ADAM11: variants seen among roughly 807,000 people sequenced by gnomAD.
ADAM11 encodes the protein ADAM metallopeptidase domain 11, also known as disintegrin and metalloproteinase domain-containing protein 11.
In ADAM11, 49 loss-of-function variants were observed where a neutral mutation model predicts 119.1. The ratio of observed to expected loss-of-function variants is 0.41; its 90% CI spans 0.33 to 0.52. The LOEUF (loss-of-function observed/expected upper bound fraction) is 0.52. ADAM11 is among the 20% of genes least tolerant of loss of function. The pLI, the probability that ADAM11 is intolerant of heterozygous loss-of-function variation, is 0.20. For synonymous variants in ADAM11, 364 were observed against 408.0 expected (o/e 0.89, Z 1.30); for missense variants, 777 against 1,047.5 (o/e 0.74, Z 3.56).
rs569799212 is a variant in ADAM11 at position 44,776,417 on chromosome 17, G to A, written c.1566+210G>A. The stretch of plus-strand genomic sequence containing the variant: ...TCATTAAACCAGAATGTATCGTCTG[G>A]CTGGTATTCCCAGCGCCTGGCCCGG... On this transcript the variant is annotated intron_variant, in intron 18 of 26. Transcript: ENST00000200557. The surrounding 1 kb of genome is among the most constrained non-coding windows in gnomAD (Gnocchi z 5.2). Among the ~76,000 whole-genome samples, 1 of 152,286 alleles carries A rather than the reference G, an allele frequency of 6.6e-6. No individual in the cohort carries two copies. Among genetic ancestry groups the A allele is most frequent in the South Asian group, 2.1e-4 (1 of 4,822 alleles).
intron 2 of ADAM11, 58 bp from the exon 3 acceptor site, chr17:44,769,660 C>T (rs577348059): frequency 2.2e-5 from 28 of 1,246,956 alleles, no homozygotes; most frequent in Admixed American, 1.5e-4. Context: ...GGGATCCCCC[C>T]GACTCCCACC....
At chr17:44,766,243 C>T (rs1053349044) in intron 2 of ADAM11, among the ~76,000 whole-genome samples, 5 of 152,044 alleles carry the variant, frequency 3.3e-5, no homozygotes, top group African/African-American at 7.2e-5. Flanking sequence ...TGTGAAGGGC[C>T]GTGTCTGGAA....
intron 11 of ADAM11, 103 bp from the exon 12 acceptor site, chr17:44,774,192 C>G (rs1029916611): frequency 2.9e-6 from 2 of 680,128 alleles, no homozygotes; most frequent in African/African-American, 3.8e-5. Flanking sequence ...GGCTCACCTC[C>G]TGAGGAAGGA....
intron 2 of ADAM11, among the ~76,000 whole-genome samples, chr17:44,769,474 G>A (rs1444841802): frequency 6.6e-6 from 1 of 152,244 alleles, no homozygotes. Flanking sequence ...AGGTGCCCGG[G>A]CCCAGAGGGC....
At chr17:44,765,853 G>A (rs1166555652) in intron 2 of ADAM11, among the ~76,000 whole-genome samples, 2 of 152,054 alleles carry the variant, frequency 1.3e-5, no homozygotes, top group Non-Finnish European at 2.9e-5. Context: ...AAACTCCTGA[G>A]CTCAGGCAAT....
rs776145188 is a variant in ADAM11, at chr17:44,776,719, G to A, written c.1567-26G>A. 37 of 1,613,220 alleles carry A rather than the reference G, an allele frequency of 2.3e-5. No individual in the cohort carries two copies. The highest frequency in any genetic ancestry group is 2.9e-5 in the Non-Finnish European group (34 of 1,179,726). ...TCAGCTCCAGTCCTGGGACTGCTCCGCTCAACCCCACCCCTCTCTCCACAG... is the reference window on the plus strand; with the variant it reads ...TCAGCTCCAGTCCTGGGACTGCTCCACTCAACCCCACCCCTCTCTCCACAG... On this transcript the variant is annotated intron_variant, in intron 18 of 26. Coordinates refer to ENST00000200557, the MANE Select transcript of ADAM11 (RefSeq NM_002390.6). This position sits in a 1 kb window ranked among gnomAD's most constrained non-coding sequence, Gnocchi z 5.2.
At position 44,776,283 on chromosome 17, in the gene ADAM11, G is replaced by A. The variant is rs1434079710; in HGVS notation, c.1566+76G>A. On this transcript the variant is annotated intron_variant, in intron 18 of 26. Coordinates refer to ENST00000200557, the MANE Select transcript of ADAM11 (RefSeq NM_002390.6). The surrounding 1 kb of genome is among the most constrained non-coding windows in gnomAD (Gnocchi z 5.2). ...CCTTGTCGATTTGGTTTTCCCGGAC[G>A]AGTGCTCAGCACTCCCCTCCTCTCC... 2.0e-6 allele frequency: 3 copies of A among 1,527,150 alleles called. No individual in the cohort carries two copies. The highest frequency in any genetic ancestry group is 2.7e-6 in the Non-Finnish European group (3 of 1,107,438). The allele number at this position is 1,527,150 out of a possible 1,614,324, so 94.6% of individuals were successfully genotyped here.
Position 44,775,738 on chromosome 17 carries a change from A to G in ADAM11, c.1485+62A>G. The G allele has an allele frequency of 1.3e-6, 2 of 1,486,964 alleles. No homozygotes were observed. Among genetic ancestry groups the G allele is most frequent in the Non-Finnish European group, 1.8e-6 (2 of 1,104,724 alleles). The allele number at this position is 1,486,964 out of a possible 1,614,324, so 92.1% of individuals were successfully genotyped here. On this transcript the variant is annotated intron_variant, in intron 17 of 26. Coordinates refer to ENST00000200557, the MANE Select transcript of ADAM11 (RefSeq NM_002390.6). The surrounding 1 kb of genome is among the most constrained non-coding windows in gnomAD (Gnocchi z 7.5). Reference sequence around the variant, plus strand: ...AGGAGGAGCGATTGGAGGCCTTCATATAAGGGGTGGGAGCTAGGGAGGGAA... The same window carrying G: ...AGGAGGAGCGATTGGAGGCCTTCATGTAAGGGGTGGGAGCTAGGGAGGGAA...
chr17:44,775,631 T>C lies in ADAM11; in HGVS notation c.1440T>C (p.Thr480=), dbSNP rs1312451706. 6.3e-7 allele frequency: 1 copy of C among 1,593,160 alleles called. No homozygotes were observed. The highest frequency in any genetic ancestry group is 8.5e-7 in the Non-Finnish European group (1 of 1,171,032). The part of the protein sequence containing the change: ...GGNCCKKCTL[T]HDAMCSDGLC... ...ACTGCTGCAAGAAATGCACCCTGACTCACGACGCCATGTGCAGCGACGGGC... is the reference window on the plus strand; with the variant it reads ...ACTGCTGCAAGAAATGCACCCTGACCCACGACGCCATGTGCAGCGACGGGC... Residue 480 remains threonine (T), a synonymous_variant, in exon 17 of 27, where the codon ACT becomes ACC. Coordinates refer to ENST00000200557, the MANE Select transcript of ADAM11 (RefSeq NM_002390.6). The surrounding 1 kb of genome is among the most constrained non-coding windows in gnomAD (Gnocchi z 7.5).
At position 44,776,750 on chromosome 17, in the gene ADAM11, G is replaced by C. The variant is rs766687950; in HGVS notation, c.1572G>C (p.Pro524=). The part of the protein sequence containing the change: ...ETCTGDSSQC[P]PNLHKLDGYY... ...CCCCACCCCTCTCTCCACAGTGCCCGCCTAACCTGCACAAGCTGGACGGTT... is the reference window on the plus strand; with the variant it reads ...CCCCACCCCTCTCTCCACAGTGCCCCCCTAACCTGCACAAGCTGGACGGTT... Residue 524 remains proline (P), a synonymous_variant, in exon 19 of 27, where the codon CCG becomes CCC. Coordinates refer to ENST00000200557, the MANE Select transcript of ADAM11 (RefSeq NM_002390.6). This position sits in a 1 kb window ranked among gnomAD's most constrained non-coding sequence, Gnocchi z 5.2. 1 of 1,613,980 alleles carries C rather than the reference G, an allele frequency of 6.2e-7. No individual in the cohort carries two copies. Among genetic ancestry groups the C allele is most frequent in the Non-Finnish European group, 8.5e-7 (1 of 1,179,968 alleles).
Position 44,777,288 on chromosome 17 carries a change from G to A in ADAM11, c.1781+23G>A, listed in dbSNP as rs760633309. The A allele has an allele frequency of 1.2e-5, 19 of 1,582,654 alleles. No individual in the cohort carries two copies. The highest frequency in any genetic ancestry group is 1.4e-5 in the Non-Finnish European group (16 of 1,165,840). On this transcript the variant is annotated intron_variant, in intron 21 of 26. Transcript: ENST00000200557. The surrounding 1 kb of genome is among the most constrained non-coding windows in gnomAD (Gnocchi z 5.1). ...GCAGTGAGTACTGAGGCTCCCAGAG[G>A]GCCTCTCAGCTCCAGGGCAGGTGTG...
rs1421002859 is a variant in ADAM11, at chr17:44,776,620, C to T, written c.1567-125C>T. On this transcript the variant is annotated intron_variant, in intron 18 of 26. Transcript: ENST00000200557. The surrounding 1 kb of genome is among the most constrained non-coding windows in gnomAD (Gnocchi z 5.2). ...AACCAGACAGATCGCTTGTCCTAGG[C>T]GTGGAAGAGCCCTGTGGCATGAGCC... The T allele has an allele frequency of 8.3e-6, 10 of 1,207,066 alleles. No individual in the cohort carries two copies. Among genetic ancestry groups the T allele is most frequent in the South Asian group, 1.4e-5 (1 of 69,394 alleles). The allele number at this position is 1,207,066 out of a possible 1,614,324, so 74.8% of individuals were successfully genotyped here.
chr17:44,777,901 C>G lies in ADAM11; in HGVS notation c.2070+38C>G. 1 of 1,613,680 alleles carries G rather than the reference C, an allele frequency of 6.2e-7. No individual in the cohort carries two copies. The highest frequency in any genetic ancestry group is 8.5e-7 in the Non-Finnish European group (1 of 1,179,938). ...AGCCTGGGATGGCGGGAGAAGCTTA[C>G]AAGAGGGGACAGGCCCCTGCTCACC... On this transcript the variant is annotated intron_variant, in intron 23 of 26. Coordinates refer to ENST00000200557, the MANE Select transcript of ADAM11 (RefSeq NM_002390.6). The surrounding 1 kb of genome is among the most constrained non-coding windows in gnomAD (Gnocchi z 5.1).
chr17:44,779,529 G>A, intron 26 of ADAM11: 1 of 985,406 alleles, frequency 1.0e-6, no homozygotes, highest in South Asian at 4.7e-5. Flanking sequence ...GCCCCTGGCA[G>A]TCCCCATCCC....
At chr17:44,763,591 C>G (rs1295746418) in intron 2 of ADAM11, among the ~76,000 whole-genome samples, 1 of 152,222 alleles carries the variant, frequency 6.6e-6, no homozygotes, top group Non-Finnish European at 1.5e-5. Flanking sequence ...TCAGGCAAGA[C>G]TACCGTGTCC....
chr17:44,763,182 A>G (rs894997200), intron 2 of ADAM11, among the ~76,000 whole-genome samples: 40 of 152,182 alleles, frequency 2.6e-4, no homozygotes, highest in Admixed American at 2.6e-3. Flanking sequence ...AGAAATTACA[A>G]TTATTTACTA....
chr17:44,780,012 G>A lies in ADAM11; in HGVS notation c.*258G>A, dbSNP rs190595510. On this transcript the variant is annotated 3_prime_UTR_variant, in exon 27 of 27. Coordinates refer to ENST00000200557, the MANE Select transcript of ADAM11 (RefSeq NM_002390.6). Reference sequence around the variant, plus strand: ...CTCAGCCTTGCACACCCACTGCCCCGTGTGAATGTAGCTTCCACCTCATGG... The same window carrying A: ...CTCAGCCTTGCACACCCACTGCCCCATGTGAATGTAGCTTCCACCTCATGG... The A allele has an allele frequency of 4.4e-5, 31 of 700,852 alleles. No individual in the cohort carries two copies. The highest frequency in any genetic ancestry group is 3.8e-4 in the East Asian group (14 of 36,994). 43.4% of individuals were successfully genotyped at this position (700,852 alleles called of 1,614,324 possible). A position where few individuals can be genotyped will look rare whatever the true frequency, so the allele number is the denominator to read the frequency against.
Position 44,773,163 on chromosome 17 carries a change from C to T in ADAM11, c.825+78C>T, listed in dbSNP as rs1281160549. On this transcript the variant is annotated intron_variant, in intron 10 of 26. Transcript: ENST00000200557. This position sits in a 1 kb window ranked among gnomAD's most constrained non-coding sequence, Gnocchi z 4.6. ...CACACACATTAGGGGGCACTGTCAG[C>T]CCCTGGCTCCCACTTCCTGGAGAGA... 3.8e-6 allele frequency: 6 copies of T among 1,594,482 alleles called. No individual in the cohort carries two copies. In the African/African-American group the frequency reaches 4.0e-5, roughly 11 times the overall value.
chr17:44,770,114 G>T lies in ADAM11; in HGVS notation c.381+66G>T, dbSNP rs2049501759. The stretch of plus-strand genomic sequence containing the variant: ...GAGGTGCTGTTTCTGTGGTTCTGTG[G>T]TCACAGGTGTAGGGACAGGTGGCCA... On this transcript the variant is annotated intron_variant, in intron 4 of 26. Transcript: ENST00000200557. The T allele has an allele frequency of 4.4e-6, 7 of 1,575,820 alleles. No homozygotes were observed. In the Admixed American group the frequency reaches 8.8e-5, roughly 20 times the overall value.
Sources: allele counts gnomAD v4.1 joint callset (sites outside exome capture counted in the v4.1 genomes callset), GRCh38; gene constraint gnomAD v4.1.1; non-coding constraint Gnocchi (gnomAD v3.1); transcripts MANE v1.5; gene names NCBI Gene and HGNC (gene_info 2026-07-23, HGNC 2026-07-21).